Variants in MAGI1 observed in about 807,000 individuals in gnomAD.
MAGI1 encodes membrane-associated guanylate kinase, WW and PDZ domain-containing protein 1.
MAGI1 carries 58 observed loss-of-function variants against 139.9 expected under a neutral mutation model. That is an observed-to-expected ratio of 0.41 (90% CI 0.34 to 0.52). MAGI1 has a LOEUF of 0.52. Among genes scored for constraint, MAGI1 ranks in the 20% least tolerant of loss-of-function variants. The pLI is 0.12. For synonymous variants in MAGI1, 812 were observed against 737.9 expected (o/e 1.10, Z -1.63); for missense variants, 1,874 against 1,901.6 (o/e 0.99, Z 0.27).
At chr3:65,664,605 T>C (rs1356161025) in intron 1 of MAGI1, among the ~76,000 whole-genome samples, 2 of 152,206 alleles carry the variant, frequency 1.3e-5, no homozygotes, top group Non-Finnish European at 2.9e-5. Context: ...ATTAACAGAT[T>C]CCATATTTGC....
intron 2 of MAGI1, among the ~76,000 whole-genome samples, chr3:65,555,020 C>A (rs1177572624): frequency 6.6e-6 from 1 of 152,120 alleles, no homozygotes; most frequent in African/African-American, 2.4e-5. Flanking sequence ...ATGTTAATTT[C>A]CTGATTTTGA....
chr3:65,666,428 T>C (rs1393699997), intron 1 of MAGI1, among the ~76,000 whole-genome samples: 2 of 152,226 alleles, frequency 1.3e-5, no homozygotes, highest in African/African-American at 2.4e-5. Context: ...CCAAAGGCTA[T>C]TCCACTGAAC....
chr3:65,885,857 G>T (rs1365593445), intron 1 of MAGI1, among the ~76,000 whole-genome samples: 5 of 152,050 alleles, frequency 3.3e-5, no homozygotes, highest in African/African-American at 1.2e-4. Flanking sequence ...AGTACGAAAT[G>T]GTTATAATTT....
At chr3:65,907,055 CA>C (rs35828237) in intron 1 of MAGI1, among the ~76,000 whole-genome samples, 35,524 of 115,720 alleles carry the variant, frequency 0.31, 4,196 homozygotes, top group East Asian at 0.41. Flanking sequence ...CTCTTGTTTA[CA>C]AAAAAAAAAA....
chr3:65,734,901 G>A (rs1402952607), intron 1 of MAGI1, among the ~76,000 whole-genome samples: 19 of 147,598 alleles, frequency 1.3e-4, no homozygotes, highest in Non-Finnish European at 2.7e-4. Context: ...GGAGAAGGGA[G>A]GAAGAGAGCG....
intron 1 of MAGI1, among the ~76,000 whole-genome samples, chr3:65,638,905 C>T (rs2084811322): frequency 6.6e-6 from 1 of 152,094 alleles, no homozygotes; most frequent in Non-Finnish European, 1.5e-5. Flanking sequence ...CCAGGCGTGG[C>T]CGTGGCTTAT....
chr3:65,625,475 G>T (rs1264698073), intron 1 of MAGI1, among the ~76,000 whole-genome samples: 1 of 152,122 alleles, frequency 6.6e-6, no homozygotes, highest in Admixed American at 6.5e-5. Context: ...ATTAGCTGGT[G>T]AGTCTGAGAA....
At position 65,933,270 on chromosome 3, in the gene MAGI1, C is replaced by T. The variant is rs115138661; in HGVS notation, c.313+104726G>A. Among the ~76,000 whole-genome samples the T allele has an allele frequency of 8.2e-3, 1,243 of 152,262 alleles. 12 individuals are homozygous for T. Among genetic ancestry groups the T allele is most frequent in the African/African-American group, 0.028 (1,175 of 41,542 alleles). On this transcript the variant is annotated intron_variant, in intron 1 of 22. Coordinates refer to ENST00000402939, the MANE Select transcript of MAGI1 (RefSeq NM_001033057.2). ...TCTACAAGTAAGGAACAGTTTAGTT[C>T]GTGGCTCAGGATCTCATGTGGTTGC...
At chr3:65,877,674 GC>G (rs2060168093) in intron 1 of MAGI1, among the ~76,000 whole-genome samples, 1 of 152,130 alleles carries the variant, frequency 6.6e-6, no homozygotes, top group African/African-American at 2.4e-5. Context: ...TCCTGCCTAA[GC>G]CTCCCAAGTG....
intron 2 of MAGI1, among the ~76,000 whole-genome samples, chr3:65,569,633 T>A (rs552789333): frequency 6.6e-6 from 1 of 152,178 alleles, no homozygotes; most frequent in East Asian, 1.9e-4. Context: ...TCCCAGCACT[T>A]TGAGAGGCCA....
chr3:65,998,712 A>G (rs2066586958), intron 1 of MAGI1, among the ~76,000 whole-genome samples: 1 of 151,246 alleles, frequency 6.6e-6, no homozygotes, highest in Non-Finnish European at 1.5e-5. Context: ...CTTTTTTTTT[A>G]CCCTTTCCTT....
intron 1 of MAGI1, among the ~76,000 whole-genome samples, chr3:66,011,229 A>C (rs574629298): frequency 6.6e-6 from 1 of 152,350 alleles, no homozygotes; most frequent in East Asian, 1.9e-4. Context: ...CAGCACACAT[A>C]AATGCGCCAA....
rs949460571 is a variant in MAGI1, at chr3:65,795,677, G to C, written c.314-173589C>G. On this transcript the variant is annotated intron_variant, in intron 1 of 22. Transcript: ENST00000402939. ...CTCTATTTCGGTCTCCAAAGAAACA[G>C]AACCATAAGATGATAAGATACACAC... 5.3e-5 allele frequency among the ~76,000 whole-genome samples: 6 copies of C among 112,716 alleles called. No individual in the cohort carries two copies. In the South Asian group the frequency reaches 1.5e-3, roughly 28 times the overall value. The allele number at this position is 112,716 out of a possible 152,430, so 73.9% of individuals were successfully genotyped here.
Position 65,356,452 on chromosome 3 carries a change from C to A in MAGI1, c.4315G>T (p.Gly1439Cys). 1 of 1,611,342 alleles carries A rather than the reference C, an allele frequency of 6.2e-7. No individual in the cohort carries two copies. The highest frequency in any genetic ancestry group is 1.7e-4 in the Middle Eastern group (1 of 6,060). ...TCCGGGGGATGTCTGGAACTTCTGC[C>A]GGCATCCTGTTTCAGATTCGCCTCT... The part of the protein sequence containing the change: ...REEANLKQDA[G>C]RSSRHPPEQR... Residue 1439 changes from glycine to cysteine, a missense_variant, in exon 23 of 23, where the codon GGC becomes TGC. Physicochemically the swap from Gly to Cys is radical, Grantham distance 159. This residue lies in a region of MAGI1 where 653 missense variants were observed against 644.5 expected (regional missense o/e 1.01). Transcript: ENST00000402939.
chr3:65,717,045 C>T (rs981616977), intron 1 of MAGI1, among the ~76,000 whole-genome samples: 7 of 152,076 alleles, frequency 4.6e-5, no homozygotes, highest in Non-Finnish European at 2.9e-5. Flanking sequence ...AAGTAAAGGA[C>T]CTTGAGATGG....
chr3:65,354,315 T>G lies in MAGI1; in HGVS notation c.*2063A>C, dbSNP rs369936028. 6 of 152,784 alleles carry G rather than the reference T, an allele frequency of 3.9e-5. No individual in the cohort carries two copies. The East Asian group carries it at 1.2e-3, about 29-fold the overall frequency. The allele number at this position is 152,784 out of a possible 1,614,324, so 9.5% of individuals were successfully genotyped here. The stretch of plus-strand genomic sequence containing the variant: ...TTTTCCCTCCTTTTTAGCTACAGAA[T>G]GTATATTGTGTCTGTTCCAGGAAAG... On this transcript the variant is annotated 3_prime_UTR_variant, in exon 23 of 23. Transcript: ENST00000402939.
At chr3:65,780,774 G>A (rs998536899) in intron 1 of MAGI1, among the ~76,000 whole-genome samples, 4 of 152,140 alleles carry the variant, frequency 2.6e-5, no homozygotes, top group Non-Finnish European at 4.4e-5. Context: ...TCAACCATGG[G>A]TTACAGAAGG....
chr3:65,993,759 A>T (rs927283516), intron 1 of MAGI1, among the ~76,000 whole-genome samples: 1 of 152,052 alleles, frequency 6.6e-6, no homozygotes, highest in African/African-American at 2.4e-5. Flanking sequence ...TAAATCACTC[A>T]CACACACACA....
chr3:65,714,226 G>A (rs984051729), intron 1 of MAGI1, among the ~76,000 whole-genome samples: 1 of 152,134 alleles, frequency 6.6e-6, no homozygotes, highest in Non-Finnish European at 1.5e-5. Context: ...GACTCTTGTA[G>A]GGAGAGGCAT....
Sources: allele counts gnomAD v4.1 joint callset (sites outside exome capture counted in the v4.1 genomes callset), GRCh38; gene constraint gnomAD v4.1.1; regional missense constraint gnomAD v4.1.1; transcripts MANE v1.5; gene names NCBI Gene and HGNC (gene_info 2026-07-23, HGNC 2026-07-21).